The following ZC3H13 variants were observed in gnomAD, a reference collection of about 807,000 sequenced individuals.
ZC3H13 encodes the protein zinc finger CCCH-type containing 13, also known as zinc finger CCCH domain-containing protein 13.
In ZC3H13, 64 loss-of-function variants were observed where a neutral mutation model predicts 204.1. The observed-to-expected ratio is 0.31, with a 90% CI of 0.26 to 0.39. The LOEUF is 0.39. Among genes scored for constraint, ZC3H13 ranks in the 10% least tolerant of loss-of-function variants. ZC3H13 has a pLI of 1.00. For synonymous variants in ZC3H13, 667 were observed against 693.7 expected, an observed-to-expected ratio of 0.96 and a Z score of 0.60; for missense variants, 1,833 against 2,082.7, an observed-to-expected ratio of 0.88 and a Z score of 2.33.
chr13:46,046,430 G>T (rs986278091), intron 1 of ZC3H13, among the ~76,000 whole-genome samples: 1 of 151,194 alleles, frequency 6.6e-6, no homozygotes, highest in African/African-American at 2.4e-5. Flanking sequence ...AGGCCGAGGC[G>T]GGCGGATCAT....
chr13:46,006,208 T>TTC (rs1444278949), intron 7 of ZC3H13, among the ~76,000 whole-genome samples: 1 of 152,014 alleles, frequency 6.6e-6, no homozygotes, highest in East Asian at 1.9e-4. Flanking sequence ...TCCCTCGGAT[T>TTC]TCATCTCTGA....
intron 5 of ZC3H13, among the ~76,000 whole-genome samples, chr13:46,018,316 A>G (rs995052179): frequency 6.6e-6 from 1 of 152,128 alleles, no homozygotes; most frequent in African/African-American, 2.4e-5. Flanking sequence ...TATCAGGTGA[A>G]ACAGTATCAA....
At chr13:45,970,222 C>CAA (rs1426437304) in intron 13 of ZC3H13, 140 bp downstream of exon 13, 1 of 957,006 alleles carries the variant, frequency 1.0e-6, no homozygotes, top group Non-Finnish European at 1.6e-6. Flanking sequence ...ACTTTAGTCA[C>CAA]AAAAGGAGAT....
chr13:46,052,462 C>G lies in ZC3H13; in HGVS notation c.-68G>C. 5.0e-6 allele frequency: 2 copies of G among 398,366 alleles called. No individual in the cohort carries two copies. The highest frequency in any genetic ancestry group is 8.8e-6 in the Non-Finnish European group (2 of 226,044). The allele number at this position is 398,366 out of a possible 1,614,324, so 24.7% of individuals were successfully genotyped here. ...GGAGGCACCACCGCCGCCGCCGCTC[C>G]GAGGAGCGGGGGAGGCGACTCTGTC... is the stretch of plus-strand genomic sequence containing the variant. On this transcript the variant is annotated 5_prime_UTR_variant, in exon 1 of 19. Transcript: ENST00000679008.
intron 5 of ZC3H13, among the ~76,000 whole-genome samples, chr13:46,017,180 C>T (rs996329732): frequency 6.6e-6 from 1 of 152,078 alleles, no homozygotes; most frequent in Non-Finnish European, 1.5e-5. Context: ...AAGAAGATGG[C>T]TAGGTAACAG....
chr13:46,025,474 A>G (rs932201901), intron 4 of ZC3H13, among the ~76,000 whole-genome samples: 1 of 152,000 alleles, frequency 6.6e-6, no homozygotes, highest in Non-Finnish European at 1.5e-5. Flanking sequence ...CCAGCTAATT[A>G]AAAAATTTTT....
chr13:45,965,602 A>C (rs781320928), intron 15 of ZC3H13, among the ~76,000 whole-genome samples, 170 bp from the exon 16 acceptor site: 1 of 152,228 alleles, frequency 6.6e-6, no homozygotes, highest in Non-Finnish European at 1.5e-5. Flanking sequence ...AAAGAAAACA[A>C]AAATAAAATT....
intron 4 of ZC3H13, among the ~76,000 whole-genome samples, chr13:46,035,263 G>C (rs186310408): frequency 6.6e-6 from 1 of 152,298 alleles, no homozygotes; most frequent in African/African-American, 2.4e-5. Context: ...AGTGATTCCA[G>C]CCTACGTGCT....
intron 1 of ZC3H13, 80 bp from the exon 2 acceptor site, chr13:46,045,596 A>C (rs2043894216): frequency 1.1e-6 from 1 of 939,194 alleles, no homozygotes; most frequent in African/African-American, 1.6e-5. Context: ...CAAGTAGATA[A>C]AACTATAGGT....
intron 4 of ZC3H13, among the ~76,000 whole-genome samples, chr13:46,024,022 T>C (rs941911015): frequency 2.6e-5 from 4 of 152,194 alleles, no homozygotes; most frequent in South Asian, 4.1e-4. Context: ...CCTGAATCAA[T>C]TGAATTAGCA....
chr13:46,038,079 C>T (rs1211995939), intron 4 of ZC3H13, among the ~76,000 whole-genome samples: 1 of 152,168 alleles, frequency 6.6e-6, no homozygotes, highest in Non-Finnish European at 1.5e-5. Flanking sequence ...GTGAGCAAGA[C>T]AGATCTCAGC....
chr13:45,986,424 T>C (rs968417115), intron 9 of ZC3H13, among the ~76,000 whole-genome samples: 1 of 152,176 alleles, frequency 6.6e-6, no homozygotes, highest in African/African-American at 2.4e-5. Context: ...AAGATGAGAC[T>C]TTTTCTCTTT....
chr13:45,972,859 G>T (rs565787068), intron 12 of ZC3H13, among the ~76,000 whole-genome samples: 31 of 152,334 alleles, frequency 2.0e-4, no homozygotes, highest in Non-Finnish European at 4.0e-4. Flanking sequence ...CTGCCCTCTT[G>T]TTGTTTCTAC....
At chr13:46,049,109 G>A (rs868799128) in intron 1 of ZC3H13, among the ~76,000 whole-genome samples, 13 of 144,704 alleles carry the variant, frequency 9.0e-5, no homozygotes, top group African/African-American at 2.8e-4. Context: ...CCGAGATCGC[G>A]CCACTGCACT....
intron 18 of ZC3H13, among the ~76,000 whole-genome samples, chr13:45,957,500 C>G (rs916011109): frequency 1.3e-5 from 2 of 152,142 alleles, no homozygotes; most frequent in African/African-American, 4.8e-5. Context: ...TTAGAGGGCA[C>G]CTAGTTTAAC....
At chr13:46,040,423 T>A (rs530251152) in intron 4 of ZC3H13, among the ~76,000 whole-genome samples, 1 of 152,084 alleles carries the variant, frequency 6.6e-6, no homozygotes, top group Non-Finnish European at 1.5e-5. Flanking sequence ...CTTTACCACA[T>A]CATAAATAAA....
At chr13:46,039,730 G>C (rs1365858895) in intron 4 of ZC3H13, among the ~76,000 whole-genome samples, 5 of 152,120 alleles carry the variant, frequency 3.3e-5, no homozygotes, top group Non-Finnish European at 7.4e-5. Context: ...TAAGTACTCA[G>C]AACTCATAGT....
chr13:46,046,281 A>C (rs2043948384), intron 1 of ZC3H13, among the ~76,000 whole-genome samples: 1 of 152,186 alleles, frequency 6.6e-6, no homozygotes, highest in South Asian at 2.1e-4. Context: ...TACCATTATT[A>C]GTAATAACAA....
intron 1 of ZC3H13, among the ~76,000 whole-genome samples, chr13:46,046,714 A>C (rs2043996771): frequency 6.6e-6 from 1 of 152,110 alleles, no homozygotes; most frequent in African/African-American, 2.4e-5. Context: ...GTATGTAAAT[A>C]AAACATTCAA....
Sources: allele counts gnomAD v4.1 joint callset (sites outside exome capture counted in the v4.1 genomes callset), GRCh38; gene constraint gnomAD v4.1.1; transcripts MANE v1.5; gene names NCBI Gene and HGNC (gene_info 2026-07-23, HGNC 2026-07-21).